Variants in SORBS2 observed in about 807,000 individuals in gnomAD.
SORBS2 encodes the protein sorbin and SH3 domain containing 2.
Under a neutral mutation model 97.7 loss-of-function variants are expected in SORBS2, and 46 were observed. The observed-to-expected ratio is 0.47, with a 90% CI of 0.37 to 0.60. The LOEUF (loss-of-function observed/expected upper bound fraction) is 0.60. Among genes scored for constraint, SORBS2 ranks in the 20% least tolerant of loss-of-function variants. SORBS2 has a pLI of 0.00. For missense variants in SORBS2, 1,316 were observed against 1,282.3 expected, an observed-to-expected ratio of 1.03 and a Z score of -0.40; for synonymous variants, 476 against 473.4, an observed-to-expected ratio of 1.01 and a Z score of -0.07.
chr4:185,657,005 T>C, upstream of SORBS2: 1 of 977,642 alleles, frequency 1.0e-6, no homozygotes, highest in Non-Finnish European at 1.3e-6. Flanking sequence ...CACACATCTA[T>C]TTCAAAAAAC....
intron 1 of SORBS2, among the ~76,000 whole-genome samples, chr4:185,911,372 T>C (rs11132364): frequency 0.031 from 4,768 of 152,194 alleles, 182 homozygotes; most frequent in South Asian, 0.11. Flanking sequence ...GAGCTACAGG[T>C]GTGCACCACC....
At chr4:185,766,094 TACAA>T (rs1422891245) in intron 2 of SORBS2, among the ~76,000 whole-genome samples, 1 of 152,228 alleles carries the variant, frequency 6.6e-6, no homozygotes, top group Non-Finnish European at 1.5e-5. Flanking sequence ...TACTGCCCTT[TACAA>T]ACAGAGGGAA....
chr4:185,616,929 A>G (rs530487015), intron 9 of SORBS2, among the ~76,000 whole-genome samples: 2 of 152,234 alleles, frequency 1.3e-5, no homozygotes, highest in South Asian at 4.1e-4. Context: ...TTGTATTTTC[A>G]GTAGAGACGG....
chr4:185,608,473 A>C (rs1050071640), intron 12 of SORBS2, among the ~76,000 whole-genome samples: 1 of 151,142 alleles, frequency 6.6e-6, no homozygotes, highest in African/African-American at 2.4e-5. Flanking sequence ...AAATCAGAGG[A>C]GGTATGAGTT....
chr4:185,759,733 T>C (rs2098857144), intron 2 of SORBS2, among the ~76,000 whole-genome samples: 1 of 152,160 alleles, frequency 6.6e-6, no homozygotes, highest in Non-Finnish European at 1.5e-5. Context: ...TATTCAAAGA[T>C]AAATGGTGAT....
chr4:185,897,654 C>A (rs1017049130), intron 1 of SORBS2, among the ~76,000 whole-genome samples: 3 of 152,128 alleles, frequency 2.0e-5, no homozygotes, highest in African/African-American at 7.2e-5. Flanking sequence ...CAGTCTGAAA[C>A]AGGTATGCTC....
intron 2 of SORBS2, among the ~76,000 whole-genome samples, chr4:185,709,102 C>T (rs1387814158): frequency 6.6e-6 from 1 of 152,176 alleles, no homozygotes; most frequent in African/African-American, 2.4e-5. Context: ...ACTGCAACCT[C>T]CGCCTCTCGG....
At chr4:185,887,427 G>T (rs13110782) in intron 1 of SORBS2, among the ~76,000 whole-genome samples, 1 of 151,960 alleles carries the variant, frequency 6.6e-6, no homozygotes, top group Non-Finnish European at 1.5e-5. Flanking sequence ...TAAGAACCAC[G>T]CTGTGGCTTC....
chr4:185,700,988 A>C (rs1331631617), intron 2 of SORBS2, among the ~76,000 whole-genome samples: 2 of 152,250 alleles, frequency 1.3e-5, no homozygotes, highest in African/African-American at 4.8e-5. Flanking sequence ...AGAACAGTGA[A>C]GCTTATTTGA....
exon 7 of SORBS2, chr4:185,622,971 C>A (rs151171104): frequency 6.2e-7 from 1 of 1,614,080 alleles, no homozygotes; most frequent in Non-Finnish European, 8.5e-7. Flanking sequence ...GTGTCCACGT[C>A]TTGGAAAGAG....
chr4:185,921,518 A>T (rs2099260914), intron 1 of SORBS2, among the ~76,000 whole-genome samples: 1 of 152,144 alleles, frequency 6.6e-6, no homozygotes. Flanking sequence ...ATATGGAGAG[A>T]GAGGAAGAGA....
chr4:185,876,110 AT>A (rs146811036), intron 1 of SORBS2, among the ~76,000 whole-genome samples: 1 of 147,924 alleles, frequency 6.8e-6, no homozygotes, highest in East Asian at 2.0e-4. Flanking sequence ...TAGGATTTAA[AT>A]TTTTTTGTTT....
At chr4:185,937,233 C>T (rs764275297) in intron 1 of SORBS2, among the ~76,000 whole-genome samples, 7 of 152,244 alleles carry the variant, frequency 4.6e-5, no homozygotes, top group South Asian at 4.2e-4. Flanking sequence ...ATGTTTCCTA[C>T]GCTTTGAGAA....
chr4:185,586,218 T>C (rs2095800143), exon 15 of SORBS2: 1 of 152,658 alleles, frequency 6.6e-6, no homozygotes, highest in East Asian at 1.9e-4. Context: ...GATGAACAGT[T>C]CTTATGCAAA....
intron 1 of SORBS2, among the ~76,000 whole-genome samples, chr4:185,780,874 T>C (rs1022866495): frequency 3.3e-5 from 5 of 152,226 alleles, no homozygotes; most frequent in Non-Finnish European, 7.3e-5. Context: ...TAGAAATAAC[T>C]TCTTAAAACC....
rs548558074 is a variant in SORBS2 at position 185,752,437 on chromosome 4, A to G, written c.-198+22790T>C. Among the ~76,000 whole-genome samples the G allele has an allele frequency of 3.4e-3, 519 of 152,106 alleles. 1 individual carries two copies. The highest frequency in any genetic ancestry group is 6.3e-3 in the Non-Finnish European group (425 of 67,994). ...ACTACAGGCGCCCGCCACCACACCC[A>G]GCTAATTTTTTGTATTTTTTAGTAG... On this transcript the variant is annotated intron_variant, in intron 2 of 20. Coordinates refer to the SORBS2 transcript ENST00000284776.
intron 2 of SORBS2, chr4:185,709,857 A>T (rs1583201834): frequency 1.0e-5 from 1 of 97,292 alleles, no homozygotes. Context: ...TTTTATATGC[A>T]TTGCCTTTTT....
intron 1 of SORBS2, among the ~76,000 whole-genome samples, chr4:185,856,434 A>G (rs2099220582): frequency 6.6e-6 from 1 of 152,174 alleles, no homozygotes; most frequent in Non-Finnish European, 1.5e-5. Context: ...CACACAATAG[A>G]AGTCACTTCT....
chr4:185,752,135 C>T lies in SORBS2; in HGVS notation c.-198+23092G>A, dbSNP rs182531783. ...GATCCCAGGGAAAACAGAAAAGTAT[C>T]TTAAAAATAAACATTACCCAGTATT... On this transcript the variant is annotated intron_variant, in intron 2 of 20. Transcript: ENST00000284776. Among the ~76,000 whole-genome samples, 4 of 152,218 alleles carry T rather than the reference C, an allele frequency of 2.6e-5. No homozygotes were observed. The East Asian group carries it at 7.7e-4, about 29-fold the overall frequency.
Sources: allele counts gnomAD v4.1 joint callset (sites outside exome capture counted in the v4.1 genomes callset), GRCh38; gene constraint gnomAD v4.1.1; transcripts MANE v1.5; gene names NCBI Gene and HGNC (gene_info 2026-07-23, HGNC 2026-07-21).